ANKRD17: variants seen among roughly 807,000 people sequenced by gnomAD.
The protein encoded by ANKRD17 is ankyrin repeat domain-containing protein 17.
Under a neutral mutation model 229.7 loss-of-function variants are expected in ANKRD17, and 19 were observed. The ratio of observed to expected loss-of-function variants is 0.08; its 90% CI spans 0.06 to 0.12. The LOEUF (loss-of-function observed/expected upper bound fraction) is 0.12. ANKRD17 is among the 10% of genes least tolerant of loss of function. The pLI is 1.00. For synonymous variants in ANKRD17, 1,112 were observed against 1,146.1 expected (o/e 0.97, Z 0.60); for missense variants, 2,176 against 3,176.8 (o/e 0.68, Z 7.57).
chr4:73,167,316 A>C (rs1457280007), intron 2 of ANKRD17, among the ~76,000 whole-genome samples: 1 of 152,212 alleles, frequency 6.6e-6, no homozygotes, highest in Non-Finnish European at 1.5e-5. Context: ...GGAGAAAGAA[A>C]GAAAGGGAAG....
At chr4:73,102,877 A>T in intron 24 of ANKRD17, 1 of 221,112 alleles carries the variant, frequency 4.5e-6, no homozygotes, top group Non-Finnish European at 8.7e-6. Context: ...AAGGTATCAG[A>T]TATCAGCACA....
chr4:73,145,483 T>A (rs1483450528), intron 10 of ANKRD17, among the ~76,000 whole-genome samples: 1 of 152,162 alleles, frequency 6.6e-6, no homozygotes. Flanking sequence ...TTTTCAATCT[T>A]AAAAAAATAA....
intron 1 of ANKRD17, among the ~76,000 whole-genome samples, chr4:73,192,059 C>T (rs1292468830): frequency 2.6e-5 from 4 of 152,014 alleles, no homozygotes; most frequent in African/African-American, 4.8e-5. Context: ...GCCTAAACCA[C>T]AACTATCTGT....
chr4:73,114,699 C>A (rs1341834242), intron 23 of ANKRD17, among the ~76,000 whole-genome samples: 1 of 152,030 alleles, frequency 6.6e-6, no homozygotes, highest in Non-Finnish European at 1.5e-5. Context: ...CCCCTAAAAA[C>A]CTGTGATATA....
intron 1 of ANKRD17, among the ~76,000 whole-genome samples, chr4:73,211,075 T>C: frequency 6.6e-6 from 1 of 152,154 alleles, no homozygotes; most frequent in African/African-American, 2.4e-5. Context: ...ATGACTTTTT[T>C]TTAACTTAAA....
At position 73,145,705 on chromosome 4, in the gene ANKRD17, CTCTAAG is replaced by C. The variant is rs369770237; in HGVS notation, c.1870-879_1870-874del. On this transcript the variant is annotated intron_variant, in intron 10 of 33. Transcript: ENST00000358602. Reference sequence around the variant, plus strand: ...GAATACAGTTCTTACACTGAAGAAGCTCTAAGTCTAACAAGCTCGAAGCACTTATTA... The same window carrying C: ...GAATACAGTTCTTACACTGAAGAAGCTCTAACAAGCTCGAAGCACTTATTA... Among the ~76,000 whole-genome samples the C allele has an allele frequency of 3.0e-3, 451 of 152,196 alleles. 5 individuals are homozygous for C. The highest frequency in any genetic ancestry group is 0.01 in the African/African-American group (430 of 41,530).
intron 1 of ANKRD17, among the ~76,000 whole-genome samples, chr4:73,244,711 T>C (rs1199643742): frequency 6.6e-6 from 1 of 152,140 alleles, no homozygotes; most frequent in Non-Finnish European, 1.5e-5. Context: ...TCCTATACCT[T>C]AACTAATACA....
chr4:73,215,544 C>T (rs944865678), intron 1 of ANKRD17, among the ~76,000 whole-genome samples: 1 of 152,138 alleles, frequency 6.6e-6, no homozygotes, highest in African/African-American at 2.4e-5. Flanking sequence ...AGGTGTGGGC[C>T]ACTGCGCCTG....
At chr4:73,132,601 CAGATAAAAAAAGT>C (rs1274814299) in intron 16 of ANKRD17, among the ~76,000 whole-genome samples, 2 of 151,878 alleles carry the variant, frequency 1.3e-5, no homozygotes, top group Non-Finnish European at 2.9e-5. Flanking sequence ...GATGTGAGAT[CAGATAAAAAAAGT>C]AGATTTTTAA....
intron 1 of ANKRD17, among the ~76,000 whole-genome samples, chr4:73,254,694 G>C (rs559811088): frequency 5.1e-4 from 78 of 151,982 alleles, no homozygotes; most frequent in African/African-American, 1.8e-3. Context: ...TTTGAACCCG[G>C]GAGGTGGAAG....
chr4:73,133,604 G>C (rs1250691488), intron 16 of ANKRD17, among the ~76,000 whole-genome samples: 2 of 151,974 alleles, frequency 1.3e-5, no homozygotes, highest in African/African-American at 2.4e-5. Flanking sequence ...ATGTTGGCCA[G>C]GCTGGTCTCA....
intron 1 of ANKRD17, 117 bp downstream of exon 1, chr4:73,258,159 C>T: frequency 6.6e-7 from 1 of 1,521,698 alleles, no homozygotes; most frequent in Admixed American, 1.9e-5. Context: ...CAGTCGAAAG[C>T]CTGGCCCCTA....
At chr4:73,187,164 C>T (rs1479599022) in intron 1 of ANKRD17, among the ~76,000 whole-genome samples, 3 of 152,062 alleles carry the variant, frequency 2.0e-5, no homozygotes, top group Non-Finnish European at 2.9e-5. Flanking sequence ...TTCTGATGAA[C>T]AGTTTGAAAG....
chr4:73,179,516 ATATTT>A lies in ANKRD17; in HGVS notation c.394-1988_394-1984del, dbSNP rs1388819092. 2.4e-3 allele frequency among the ~76,000 whole-genome samples: 139 copies of A among 57,138 alleles called. 1 individual carries two copies. Among genetic ancestry groups the A allele is most frequent in the Middle Eastern group, 0.01 (1 of 96 alleles). The allele number at this position is 57,138 out of a possible 152,430, so 37.5% of individuals were successfully genotyped here. On this transcript the variant is annotated intron_variant, in intron 1 of 33. Coordinates refer to ENST00000358602, the MANE Select transcript of ANKRD17 (RefSeq NM_032217.5). ...TATATATATATATATATATATATAT[ATATTT>A]TTTTTTTTTTTTTTAAAGAGACATG... is the stretch of plus-strand genomic sequence containing the variant.
chr4:73,144,170 TAAAG>T (rs781184329), intron 11 of ANKRD17, among the ~76,000 whole-genome samples: 3 of 152,232 alleles, frequency 2.0e-5, no homozygotes, highest in Admixed American at 6.5e-5. Flanking sequence ...AGAAACAATT[TAAAG>T]AAAGTAATAA....
intron 2 of ANKRD17, among the ~76,000 whole-genome samples, chr4:73,166,523 T>C (rs1733250882): frequency 6.6e-6 from 1 of 152,272 alleles, no homozygotes; most frequent in East Asian, 1.9e-4. Flanking sequence ...TCAAGAAATA[T>C]ATTGGATACC....
chr4:73,096,914 T>G (rs562522307), intron 27 of ANKRD17, among the ~76,000 whole-genome samples: 1 of 152,156 alleles, frequency 6.6e-6, no homozygotes, highest in Non-Finnish European at 1.5e-5. Flanking sequence ...CAAAGCAAAC[T>G]CCAATACTTT....
At chr4:73,229,958 T>C (rs1236595322) in intron 1 of ANKRD17, among the ~76,000 whole-genome samples, 3 of 152,152 alleles carry the variant, frequency 2.0e-5, no homozygotes, top group Admixed American at 2.0e-4. Flanking sequence ...TAATCCATCA[T>C]ATTAAAAAAA....
chr4:73,197,684 T>A (rs191663774), intron 1 of ANKRD17, among the ~76,000 whole-genome samples: 9 of 152,034 alleles, frequency 5.9e-5, no homozygotes, highest in Non-Finnish European at 1.3e-4. Context: ...ATTTTTTTTT[T>A]AATCAGCCGG....
Sources: gnomAD v4.1 joint callset for allele counts (sites outside exome capture counted in the v4.1 genomes callset) on GRCh38, gnomAD v4.1.1 for gene constraint, MANE v1.5 for transcripts, NCBI Gene and HGNC (gene_info 2026-07-23, HGNC 2026-07-21) for gene names.